NRG1: variants seen among roughly 807,000 people sequenced by gnomAD.
The protein encoded by NRG1 is pro-neuregulin-1, membrane-bound isoform.
Under a neutral mutation model 63.8 loss-of-function variants are expected in NRG1, and 18 were observed. That is an observed-to-expected ratio of 0.28 (90% CI 0.19 to 0.42). The LOEUF (loss-of-function observed/expected upper bound fraction) is 0.42. Ranked by LOEUF, NRG1 falls within the 10% of genes least tolerant of loss-of-function variation. The probability of loss-of-function intolerance (pLI) is 1.00; values close to 1 mark genes in which losing one functional copy is unlikely to be tolerated. For synonymous variants in NRG1, 302 were observed against 301.3 expected, an observed-to-expected ratio of 1.00 and a Z score of -0.02; for missense variants, 762 against 814.7, an observed-to-expected ratio of 0.94 and a Z score of 0.79.
At chr8:32,464,015 C>T (rs540409213) in intron 1 of NRG1, among the ~76,000 whole-genome samples, 19 of 149,204 alleles carry the variant, frequency 1.3e-4, no homozygotes, top group African/African-American at 4.4e-4. Context: ...GCCTCAGCCT[C>T]CCGAGTAGCT....
chr8:32,235,594 G>C (rs933737958), intron 1 of NRG1, among the ~76,000 whole-genome samples: 4 of 152,144 alleles, frequency 2.6e-5, no homozygotes, highest in African/African-American at 7.2e-5. Flanking sequence ...TCATTTTAAT[G>C]AGATTTTCAG....
At chr8:32,151,173 G>A (rs985066914) in intron 1 of NRG1, among the ~76,000 whole-genome samples, 4 of 152,112 alleles carry the variant, frequency 2.6e-5, no homozygotes, top group Non-Finnish European at 4.4e-5. Flanking sequence ...GGAAAATAAT[G>A]TCATGTTCAT....
At chr8:31,948,532 T>C (rs383632) in intron 1 of NRG1, among the ~76,000 whole-genome samples, 136,807 of 152,134 alleles carry the variant, frequency 0.9, 62,306 homozygotes, top group African/African-American at 0.97. Context: ...CTGGGCTGGT[T>C]TAGATGGAGG....
At chr8:32,064,606 T>A (rs1476969093) in intron 1 of NRG1, among the ~76,000 whole-genome samples, 1 of 152,136 alleles carries the variant, frequency 6.6e-6, no homozygotes, top group African/African-American at 2.4e-5. Flanking sequence ...GTAAGAAAAG[T>A]CTTTTTCATT....
At chr8:32,280,963 G>C (rs1369828193) in intron 1 of NRG1, among the ~76,000 whole-genome samples, 6 of 150,644 alleles carry the variant, frequency 4.0e-5, no homozygotes, top group South Asian at 2.1e-4. Flanking sequence ...GTTTCACCGT[G>C]TTAGCCAGGT....
intron 1 of NRG1, among the ~76,000 whole-genome samples, chr8:32,087,478 C>CTGTCT (rs1828398336): frequency 3.5e-5 from 1 of 28,802 alleles, no homozygotes; most frequent in African/African-American, 7.0e-5. Context: ...TATTTCTTTT[C>CTGTCT]TTTCTTTTTT....
At chr8:32,612,408 A>T (rs955870187) in intron 3 of NRG1, among the ~76,000 whole-genome samples, 16 of 152,216 alleles carry the variant, frequency 1.1e-4, no homozygotes, top group African/African-American at 3.6e-4. Context: ...GTAGAAGTAT[A>T]GGTTAACTTT....
intron 1 of NRG1, among the ~76,000 whole-genome samples, chr8:31,694,123 G>A (rs1184201291): frequency 6.6e-6 from 1 of 152,204 alleles, no homozygotes; most frequent in African/African-American, 2.4e-5. Context: ...GATTACAGGT[G>A]TAAACCATTG....
chr8:31,640,522 C>T lies in NRG1; in HGVS notation c.37+1091C>T. On this transcript the variant is annotated intron_variant, in intron 1 of 10. Coordinates refer to the NRG1 transcript ENST00000519301. This position sits in a 1 kb window ranked among gnomAD's most constrained non-coding sequence, Gnocchi z 6.3. Reference sequence around the variant, plus strand: ...AGCCGGGGGCTTGAAGAAGGACTCGCTGCTCACCGTGCGCCTGGGGACCTG... The same window carrying T: ...AGCCGGGGGCTTGAAGAAGGACTCGTTGCTCACCGTGCGCCTGGGGACCTG... 1 of 1,611,612 alleles carries T rather than the reference C, an allele frequency of 6.2e-7. No homozygotes were observed. The highest frequency in any genetic ancestry group is 8.5e-7 in the Non-Finnish European group (1 of 1,179,384).
chr8:32,172,141 G>A (rs1840136533), intron 1 of NRG1, among the ~76,000 whole-genome samples: 1 of 152,270 alleles, frequency 6.6e-6, no homozygotes, highest in South Asian at 2.1e-4. Context: ...ACTCCTCTGA[G>A]ACAAAACTTC....
At chr8:32,686,171 A>C (rs1810063012) in intron 5 of NRG1, among the ~76,000 whole-genome samples, 1 of 152,194 alleles carries the variant, frequency 6.6e-6, no homozygotes, top group Admixed American at 6.5e-5. Context: ...TGGCAAATGC[A>C]AGTTACCAAT....
intron 1 of NRG1, among the ~76,000 whole-genome samples, chr8:31,778,035 C>A: frequency 6.6e-6 from 1 of 152,188 alleles, no homozygotes; most frequent in East Asian, 1.9e-4. Context: ...GACAACTATG[C>A]ACCTCTCAAT....
At chr8:32,381,230 C>T (rs1321545404) in intron 1 of NRG1, among the ~76,000 whole-genome samples, 2 of 152,176 alleles carry the variant, frequency 1.3e-5, no homozygotes, top group African/African-American at 4.8e-5. Context: ...TTTCCTCTAC[C>T]TGGAACACTC....
upstream of NRG1, among the ~76,000 whole-genome samples, chr8:32,543,679 A>G (rs916499615): frequency 5.3e-5 from 8 of 152,194 alleles, no homozygotes; most frequent in African/African-American, 1.9e-4. Flanking sequence ...ATTAGTATGT[A>G]GTAATTTTTA....
At chr8:32,207,626 C>T (rs973698330) in intron 1 of NRG1, among the ~76,000 whole-genome samples, 1 of 152,132 alleles carries the variant, frequency 6.6e-6, no homozygotes, top group Non-Finnish European at 1.5e-5. Flanking sequence ...ATGCAAACAT[C>T]ATAACAGCAT....
At position 31,810,174 on chromosome 8, in the gene NRG1, A is replaced by G. The variant is rs76141186; in HGVS notation, c.37+170743A>G. Among the ~76,000 whole-genome samples, 667 of 152,136 alleles carry G rather than the reference A, an allele frequency of 4.4e-3. 6 individuals are homozygous for G. Among genetic ancestry groups the G allele is most frequent in the African/African-American group, 0.015 (635 of 41,506 alleles). On this transcript the variant is annotated intron_variant, in intron 1 of 10. Transcript: ENST00000519301. ...CAAATACCATATCTGACTGTCTCTCACCACTCCCCAGCTACATCCCTAATC... is the reference window on the plus strand; with the variant it reads ...CAAATACCATATCTGACTGTCTCTCGCCACTCCCCAGCTACATCCCTAATC...
chr8:31,835,672 A>G (rs1017997652), intron 1 of NRG1, among the ~76,000 whole-genome samples: 4 of 152,150 alleles, frequency 2.6e-5, no homozygotes, highest in African/African-American at 4.8e-5. Context: ...TTTTCCCATT[A>G]TAGTTGCCCT....
intron 1 of NRG1, among the ~76,000 whole-genome samples, chr8:32,308,083 T>C (rs1278916106): frequency 1.3e-5 from 2 of 152,196 alleles, no homozygotes; most frequent in East Asian, 1.9e-4. Flanking sequence ...CTCCTATTTC[T>C]TTCTAGGGTG....
chr8:32,444,083 C>T (rs1200809263), intron 1 of NRG1, among the ~76,000 whole-genome samples: 1 of 149,746 alleles, frequency 6.7e-6, no homozygotes, highest in East Asian at 2.0e-4. Flanking sequence ...CCCTCCCTCC[C>T]TCCCTCTCTC....
Sources: allele counts gnomAD v4.1 joint callset (sites outside exome capture counted in the v4.1 genomes callset), GRCh38; gene constraint gnomAD v4.1.1; non-coding constraint Gnocchi (gnomAD v3.1); transcripts MANE v1.5; gene names NCBI Gene and HGNC (gene_info 2026-07-23, HGNC 2026-07-21).